The following BIN1 variants were observed in gnomAD, a reference collection of about 807,000 sequenced individuals.
BIN1 encodes myc box-dependent-interacting protein 1.
In BIN1, 53 loss-of-function variants were observed where a neutral mutation model predicts 82.0. The observed-to-expected ratio is 0.65, with a 90% CI of 0.52 to 0.81. The LOEUF (loss-of-function observed/expected upper bound fraction) is 0.81. Among genes scored for constraint, BIN1 ranks in the 40% least tolerant of loss-of-function variants. The probability of loss-of-function intolerance (pLI) is 0.00; values close to 1 mark genes in which losing one functional copy is unlikely to be tolerated. For synonymous variants in BIN1, 302 were observed against 328.0 expected (o/e 0.92, Z 0.86); for missense variants, 642 against 784.4 (o/e 0.82, Z 2.17).
intron 7 of BIN1, among the ~76,000 whole-genome samples, chr2:127,066,841 C>G (rs1685202058): frequency 6.6e-6 from 1 of 152,138 alleles, no homozygotes. Context: ...GAGGCCGAGG[C>G]AGGTGGATCG....
intron 7 of BIN1, among the ~76,000 whole-genome samples, chr2:127,064,319 T>G (rs550371448): frequency 6.6e-6 from 1 of 152,218 alleles, no homozygotes; most frequent in Non-Finnish European, 1.5e-5. Flanking sequence ...AGCCTGGGGC[T>G]TGGCGAGCTG....
chr2:127,064,928 C>T (rs980569429), intron 7 of BIN1: 3 of 152,290 alleles, frequency 2.0e-5, no homozygotes, highest in Admixed American at 6.5e-5. Context: ...GCGAGAGTGA[C>T]TCAGGGATTC....
chr2:127,068,041 G>A lies in BIN1; in HGVS notation c.612+122C>T. On this transcript the variant is annotated intron_variant, in intron 7 of 18. Coordinates refer to ENST00000316724, the MANE Select transcript of BIN1 (RefSeq NM_139343.3). This position sits in a 1 kb window ranked among gnomAD's most constrained non-coding sequence, Gnocchi z 4.9. Reference sequence around the variant, plus strand: ...CTGAAGCAGAGCTCTCCCAGCAGAGGCCTTTGAAAAACCCTGCCCCAGCTG... The same window carrying A: ...CTGAAGCAGAGCTCTCCCAGCAGAGACCTTTGAAAAACCCTGCCCCAGCTG... 2.1e-6 allele frequency: 2 copies of A among 967,698 alleles called. No homozygotes were observed. The highest frequency in any genetic ancestry group is 2.6e-5 in the East Asian group (1 of 38,226). 59.9% of individuals were successfully genotyped at this position (967,698 alleles called of 1,614,324 possible). A position where few individuals can be genotyped will look rare whatever the true frequency, so the allele number is the denominator to read the frequency against.
chr2:127,073,651 C>T (rs1379936993), intron 2 of BIN1, among the ~76,000 whole-genome samples: 2 of 152,192 alleles, frequency 1.3e-5, no homozygotes, highest in East Asian at 1.9e-4. Flanking sequence ...GCCATCAATT[C>T]GGGGGGCGAC....
rs4663090 is a variant in BIN1 at position 127,051,933 on chromosome 2, A to C, written c.1371+322T>G. Among the ~76,000 whole-genome samples, 52,134 of 151,902 alleles carry C rather than the reference A, an allele frequency of 0.34. 9,242 individuals carry two copies. The highest frequency in any genetic ancestry group is 0.5 in the South Asian group (2,419 of 4,814). ...GTAAAAGGAGGAAGTGTCTGGCTGT[A>C]AAGGTGATGACGAAGATTAAATGAG... is the stretch of plus-strand genomic sequence containing the variant. On this transcript the variant is annotated intron_variant, in intron 15 of 18. Coordinates refer to ENST00000316724, the MANE Select transcript of BIN1 (RefSeq NM_139343.3).
chr2:127,051,424 G>A lies in BIN1; in HGVS notation c.1372-181C>T, dbSNP rs536568405. Among the ~76,000 whole-genome samples, 235 of 152,318 alleles carry A rather than the reference G, an allele frequency of 1.5e-3. 4 individuals carry two copies. The highest frequency in any genetic ancestry group is 9.1e-3 in the South Asian group (44 of 4,832). On this transcript the variant is annotated intron_variant, in intron 15 of 18. Transcript: ENST00000316724. ...AGGGAGCCTCTGCTGGACAAGCTGGGCCCTGGGCCGGGGAAGCAGCTGAAG... is the reference window on the plus strand; with the variant it reads ...AGGGAGCCTCTGCTGGACAAGCTGGACCCTGGGCCGGGGAAGCAGCTGAAG...
intron 1 of BIN1, among the ~76,000 whole-genome samples, chr2:127,100,436 A>G (rs182270721): frequency 6.6e-6 from 1 of 152,236 alleles, no homozygotes; most frequent in African/African-American, 2.4e-5. Context: ...CTTGTCTCCA[A>G]GGCCTTGCCC....
intron 16 of BIN1, 23 bp downstream of exon 16, chr2:127,051,131 G>A (rs1466143498): frequency 1.9e-6 from 3 of 1,612,736 alleles, no homozygotes; most frequent in South Asian, 1.1e-5. Flanking sequence ...GGAAAAGGCA[G>A]GGCTTTGTCC....
rs1682847067 is a variant in BIN1, at chr2:127,050,896, A to G, written c.1478T>C (p.Val493Ala). 1 of 1,613,978 alleles carries G rather than the reference A, an allele frequency of 6.2e-7. No individual in the cohort carries two copies. Among genetic ancestry groups the G allele is most frequent in the Non-Finnish European group, 8.5e-7 (1 of 1,180,024 alleles). Residue 493 changes from valine (V) to alanine (A), a missense_variant, in exon 17 of 19, where the codon GTC (valine) becomes GCC (alanine). Val to Ala is a moderately conservative substitution (Grantham distance 64). Transcript: ENST00000316724. ...SEAASSSLPA[V>A]VVETFPATVN... The stretch of plus-strand genomic sequence containing the variant: ...AGTTGCTGGGAAGGTCTCCACCACG[A>G]CAGCAGGAAGAGAGCTCTGGTGGCA...
chr2:127,050,983 A>C, intron 16 of BIN1, 71 bp from the exon 17 acceptor site: 1 of 1,525,870 alleles, frequency 6.6e-7, no homozygotes, highest in South Asian at 1.1e-5. Context: ...CGAGGAGAAG[A>C]GGGGCGGGGA....
At chr2:127,069,052 C>T (rs1389817522) in intron 5 of BIN1, 21 bp from the exon 6 acceptor site, 2 of 1,611,238 alleles carry the variant, frequency 1.2e-6, no homozygotes, top group South Asian at 1.1e-5. Flanking sequence ...CAGAGGAGGG[C>T]ACTAAGCGGG....
At chr2:127,087,004 C>G (rs1280768800) in intron 1 of BIN1, among the ~76,000 whole-genome samples, 17 of 152,232 alleles carry the variant, frequency 1.1e-4, no homozygotes, top group Admixed American at 9.8e-4. Flanking sequence ...GAGGCCGTCA[C>G]TCTAAAATGA....
rs1461379696 is a variant in BIN1 at position 127,106,963 on chromosome 2, G to A, written c.-20C>T. On this transcript the variant is annotated 5_prime_UTR_variant, in exon 1 of 19. Coordinates refer to ENST00000316724, the MANE Select transcript of BIN1 (RefSeq NM_139343.3). ...TGCCATCGCGGCGCAGGCCTCGCCCGGTGGCAGGGGCCGCTCTCGCGCGGG... is the reference window on the plus strand; with the variant it reads ...TGCCATCGCGGCGCAGGCCTCGCCCAGTGGCAGGGGCCGCTCTCGCGCGGG... 1.9e-6 allele frequency: 3 copies of A among 1,604,164 alleles called. No individual in the cohort carries two copies. The highest frequency in any genetic ancestry group is 1.1e-5 in the South Asian group (1 of 89,860).
chr2:127,089,502 T>C (rs1371509560), intron 1 of BIN1, among the ~76,000 whole-genome samples: 1 of 152,114 alleles, frequency 6.6e-6, no homozygotes, highest in Non-Finnish European at 1.5e-5. Flanking sequence ...GGGACACGTG[T>C]TGGGGTAACA....
chr2:127,078,166 G>A lies in BIN1; in HGVS notation c.85-1460C>T, dbSNP rs866506181. ...CACCCTGCCGGCCCTTGCAGGTCCT[G>A]TGCTGCCCTGCTGCACTTCCCCCCC... On this transcript the variant is annotated intron_variant, in intron 1 of 18. Transcript: ENST00000316724. 3.9e-5 allele frequency among the ~76,000 whole-genome samples: 6 copies of A among 152,212 alleles called. No individual in the cohort carries two copies. In the South Asian group the frequency reaches 8.3e-4, roughly 21 times the overall value.
rs577855147 is a variant in BIN1, at chr2:127,068,724, G to T, written c.519+200C>A. 6.6e-6 allele frequency among the ~76,000 whole-genome samples: 1 copy of T among 152,272 alleles called. No individual in the cohort carries two copies. The highest frequency in any genetic ancestry group is 2.1e-4 in the South Asian group (1 of 4,830). ...GGCTGAGGGGCCAGGGTGGCACGGGGGGCAGGAATGGGCCTAGGGTGGACC... is the reference window on the plus strand; with the variant it reads ...GGCTGAGGGGCCAGGGTGGCACGGGTGGCAGGAATGGGCCTAGGGTGGACC... On this transcript the variant is annotated intron_variant, in intron 6 of 18. Transcript: ENST00000316724. This position sits in a 1 kb window ranked among gnomAD's most constrained non-coding sequence, Gnocchi z 4.9.
chr2:127,080,998 C>T (rs1687220917), intron 1 of BIN1, among the ~76,000 whole-genome samples: 1 of 152,236 alleles, frequency 6.6e-6, no homozygotes, highest in Non-Finnish European at 1.5e-5. Context: ...GGGTGCCCCT[C>T]CCCAGCCCTC....
chr2:127,097,268 CCAGCTCTCCAGGCCCAGCAGCGT>C (rs2105315849), intron 1 of BIN1, among the ~76,000 whole-genome samples: 1 of 152,294 alleles, frequency 6.6e-6, no homozygotes, highest in Non-Finnish European at 1.5e-5. Context: ...CTCCCAGCCG[CCAGCTCTCCAGGCCCAGCAGCGT>C]CAGCCCTCCA....
rs1684807555 is a variant in BIN1 at position 127,063,792 on chromosome 2, TGCAGCACACAGGCTGGGCACC to T, written c.698+120_698+140del. On this transcript the variant is annotated intron_variant, in intron 8 of 18. Transcript: ENST00000316724. ...GCACCGCAGCACTCAGGCTGGACAC[TGCAGCACACAGGCTGGGCACC>T]GCAGCACGCAGACTGGACACCGCAG... 2.1e-6 allele frequency: 3 copies of T among 1,395,812 alleles called. No individual in the cohort carries two copies. In the African/African-American group the frequency reaches 4.3e-5, roughly 20 times the overall value. The allele number at this position is 1,395,812 out of a possible 1,614,324, so 86.5% of individuals were successfully genotyped here.
Sources: allele counts gnomAD v4.1 joint callset (sites outside exome capture counted in the v4.1 genomes callset), GRCh38; gene constraint gnomAD v4.1.1; non-coding constraint Gnocchi (gnomAD v3.1); transcripts MANE v1.5; gene names NCBI Gene and HGNC (gene_info 2026-07-23, HGNC 2026-07-21).